Variants in FZD1 observed in about 807,000 individuals in gnomAD.
FZD1 encodes the protein frizzled class receptor 1.
In FZD1, 22 loss-of-function variants were observed where a neutral mutation model predicts 48.0. The observed-to-expected ratio is 0.46, with a 90% CI of 0.33 to 0.65. FZD1 has a LOEUF of 0.65. FZD1 is among the 30% of genes least tolerant of loss of function. The probability of loss-of-function intolerance (pLI) is 0.02; values close to 1 mark genes in which losing one functional copy is unlikely to be tolerated. For synonymous variants in FZD1, 486 were observed against 409.6 expected (o/e 1.19, Z -2.25); for missense variants, 843 against 898.1 (o/e 0.94, Z 0.78).
Position 91,266,122 on chromosome 7 carries a change from G to T in FZD1, c.1242G>T (p.Met414Ile). The T allele has an allele frequency of 5.0e-6, 8 of 1,614,226 alleles. No individual in the cohort carries two copies. Among genetic ancestry groups the T allele is most frequent in the Non-Finnish European group, 6.8e-6 (8 of 1,180,040 alleles). The part of the protein sequence containing the change: ...ILFMMLYFFS[M>I]ASSIWWVILS... ...TCATGATGCTCTACTTCTTCAGCAT[G>T]GCCAGCTCCATCTGGTGGGTGATCC... The change falls in exon 1 of 1, where the codon ATG (methionine) becomes ATT (isoleucine). Residue 414 changes from methionine (M) to isoleucine (I), a missense_variant. By Grantham distance (10) the Met-to-Ile change is conservative. Around this residue, in one of 2 missense-constraint regions of FZD1, gnomAD observed 353 missense variants for 431.6 expected, o/e 0.82. Coordinates refer to ENST00000287934, the MANE Select transcript of FZD1 (RefSeq NM_003505.2). The surrounding 1 kb of genome is among the most constrained non-coding windows in gnomAD (Gnocchi z 6.8).
At position 91,265,246 on chromosome 7, in the gene FZD1, G is replaced by T. The variant is rs913305628; in HGVS notation, c.366G>T (p.Pro122=). 6.2e-7 allele frequency: 1 copy of T among 1,614,076 alleles called. No homozygotes were observed. The highest frequency in any genetic ancestry group is 2.2e-5 in the East Asian group (1 of 44,860). ...DHGYCQPISI[P]LCTDIAYNQT... is the part of the protein sequence containing the mutation. ...GCTATTGCCAGCCCATCTCCATCCC[G>T]CTGTGCACGGACATCGCGTACAACC... Residue 122 remains proline (P), a synonymous_variant, in exon 1 of 1, where the codon CCG becomes CCT. Coordinates refer to ENST00000287934, the MANE Select transcript of FZD1 (RefSeq NM_003505.2). The surrounding 1 kb of genome is among the most constrained non-coding windows in gnomAD (Gnocchi z 6.9).
Position 91,267,106 on chromosome 7 carries a change from T to C in FZD1, c.*282T>C, listed in dbSNP as rs1456263687. On this transcript the variant is annotated 3_prime_UTR_variant, in exon 1 of 1. Transcript: ENST00000287934. Reference sequence around the variant, plus strand: ...ATGATTGTAAATAGCCTGTGTAAGATTTTTGTAAGTATATTTGTATTTAAA... The same window carrying C: ...ATGATTGTAAATAGCCTGTGTAAGACTTTTGTAAGTATATTTGTATTTAAA... 2 of 323,142 alleles carry C rather than the reference T, an allele frequency of 6.2e-6. No homozygotes were observed. Among genetic ancestry groups the C allele is most frequent in the Non-Finnish European group, 1.2e-5 (2 of 168,286 alleles). The allele number at this position is 323,142 out of a possible 1,614,324, so 20.0% of individuals were successfully genotyped here.
In FZD1 at chr7:91,265,629, A is replaced by G. The variant is rs1400451046; in HGVS notation, c.749A>G (p.Asn250Ser). The change falls in exon 1 of 1, where the codon AAC (asparagine) becomes AGC (serine). Residue 250 changes from asparagine (N) to serine (S), a missense_variant. By Grantham distance (46) the Asn-to-Ser change is conservative. This residue lies in a region of FZD1 where 490 missense variants were observed against 466.5 expected (regional missense o/e 1.05). Coordinates refer to ENST00000287934, the MANE Select transcript of FZD1 (RefSeq NM_003505.2). This position sits in a 1 kb window ranked among gnomAD's most constrained non-coding sequence, Gnocchi z 6.9. ...PSLLPEFWTS[N>S]PQHGGGGHRG... ...CTGCTTCCAGAGTTCTGGACCAGCA[A>G]CCCTCAGCACGGCGGCGGAGGGCAC... 2 of 1,594,406 alleles carry G rather than the reference A, an allele frequency of 1.3e-6. No homozygotes were observed. The highest frequency in any genetic ancestry group is 1.1e-5 in the South Asian group (1 of 90,252).
In FZD1 at chr7:91,264,851, G is replaced by A; in HGVS notation, c.-30G>A. 1 of 1,272,206 alleles carries A rather than the reference G, an allele frequency of 7.9e-7. No homozygotes were observed. Among genetic ancestry groups the A allele is most frequent in the Non-Finnish European group, 9.9e-7 (1 of 1,011,090 alleles). The allele number at this position is 1,272,206 out of a possible 1,614,324, so 78.8% of individuals were successfully genotyped here. On this transcript the variant is annotated 5_prime_UTR_variant, in exon 1 of 1. Coordinates refer to ENST00000287934, the MANE Select transcript of FZD1 (RefSeq NM_003505.2). ...GGCCGTGCCCCTGGCAGCCCCAGCG[G>A]AGCGGCGCCAAGAGAGGAGCCGAGA... is the stretch of plus-strand genomic sequence containing the variant.
In FZD1 at chr7:91,270,946, A is replaced by G. The variant is rs1444505255; in HGVS notation, c.*4122A>G. 3 of 167,178 alleles carry G rather than the reference A, an allele frequency of 1.8e-5. No homozygotes were observed. The highest frequency in any genetic ancestry group is 7.2e-5 in the African/African-American group (3 of 41,596). 10.4% of individuals were successfully genotyped at this position (167,178 alleles called of 1,614,324 possible). A position where few individuals can be genotyped will look rare whatever the true frequency, so the allele number is the denominator to read the frequency against. On this transcript the variant is annotated 3_prime_UTR_variant, in exon 1 of 1. Coordinates refer to ENST00000287934, the MANE Select transcript of FZD1 (RefSeq NM_003505.2). ...TAATGTGTAGGAACCAACATAAGAC[A>G]TGGAATATATATAAGAATTATCTAG...
chr7:91,264,987 G>A lies in FZD1; in HGVS notation c.107G>A (p.Gly36Glu). 4.3e-6 allele frequency: 6 copies of A among 1,398,410 alleles called. No individual in the cohort carries two copies. The highest frequency in any genetic ancestry group is 5.6e-6 in the Non-Finnish European group (6 of 1,077,416). The allele number at this position is 1,398,410 out of a possible 1,614,324, so 86.6% of individuals were successfully genotyped here. ...GCCCGGCTGGCGGAGGAGGGCAGCG[G>A]GGACGCCGGTGGCCGCCGCCGCCCG... ...LSARLAEEGS[G>E]DAGGRRRPPV... The change falls in exon 1 of 1, where the codon GGG (glycine) becomes GAG (glutamate). Residue 36 changes from glycine to glutamate, a missense_variant. Physicochemically the swap from Gly to Glu is moderately conservative, Grantham distance 98 (BLOSUM62 -2). This residue lies in a region of FZD1 where 490 missense variants were observed against 466.5 expected (regional missense o/e 1.05). Coordinates refer to ENST00000287934, the MANE Select transcript of FZD1 (RefSeq NM_003505.2).
At position 91,264,912 on chromosome 7, in the gene FZD1, G is replaced by A. The variant is rs762530466; in HGVS notation, c.32G>A (p.Arg11Gln). The A allele has an allele frequency of 1.9e-5, 25 of 1,328,848 alleles. No individual in the cohort carries two copies. The highest frequency in any genetic ancestry group is 2.1e-5 in the Non-Finnish European group (22 of 1,044,630). 82.3% of individuals were successfully genotyped at this position (1,328,848 alleles called of 1,614,324 possible). The change falls in exon 1 of 1, where the codon CGG becomes CAG. Residue 11 changes from arginine to glutamine, a missense_variant. This residue lies in a region of FZD1 where 490 missense variants were observed against 466.5 expected (regional missense o/e 1.05). Coordinates refer to ENST00000287934, the MANE Select transcript of FZD1 (RefSeq NM_003505.2). Reference protein sequence around the residue: MAEEEAPKKSRAAGGGASWEL... With the variant: MAEEEAPKKSQAAGGGASWEL... ...GAGGAGGAGGCGCCTAAGAAGTCCCGGGCCGCCGGCGGTGGCGCGAGCTGG... is the reference window on the plus strand; with the variant it reads ...GAGGAGGAGGCGCCTAAGAAGTCCCAGGCCGCCGGCGGTGGCGCGAGCTGG...
In FZD1 at chr7:91,264,998, GGCC is replaced by G. The variant is rs1173672679; in HGVS notation, c.128_130del (p.Arg43del). On this transcript the variant is annotated inframe_deletion, in exon 1 of 1. Transcript: ENST00000287934. ...GGAGGAGGGCAGCGGGGACGCCGGT[GGCC>G]GCCGCCGCCCGCCAGTTGACCCCCG... is the stretch of plus-strand genomic sequence containing the variant. The G allele has an allele frequency of 4.3e-6, 6 of 1,395,334 alleles. No homozygotes were observed. The highest frequency in any genetic ancestry group is 1.6e-5 in the South Asian group (1 of 63,052). The allele number at this position is 1,395,334 out of a possible 1,614,324, so 86.4% of individuals were successfully genotyped here. A position where few individuals can be genotyped will look rare whatever the true frequency, so the allele number is the denominator to read the frequency against.
chr7:91,266,779 C>G lies in FZD1; in HGVS notation c.1899C>G (p.Phe633Leu). 1 of 1,609,168 alleles carries G rather than the reference C, an allele frequency of 6.2e-7. No homozygotes were observed. The change falls in exon 1 of 1, where the codon TTC (phenylalanine) becomes TTG (leucine). Residue 633 changes from phenylalanine to leucine, a missense_variant. Phe to Leu is a conservative substitution (Grantham distance 22). Coordinates refer to ENST00000287934, the MANE Select transcript of FZD1 (RefSeq NM_003505.2). The surrounding 1 kb of genome is among the most constrained non-coding windows in gnomAD (Gnocchi z 6.8). ...SGKTLNSWRK[F>L]YTRLTNSKQG... The stretch of plus-strand genomic sequence containing the variant: ...AGACCCTCAACTCCTGGAGGAAGTT[C>G]TACACGAGGCTCACCAACAGCAAAC...
rs749662690 is a variant in FZD1 at position 91,266,615 on chromosome 7, A to G, written c.1735A>G (p.Ile579Val). Residue 579 changes from isoleucine (I) to valine (V), a missense_variant, in exon 1 of 1, where the codon ATC becomes GTC. Around this residue, in one of 2 missense-constraint regions of FZD1, gnomAD observed 353 missense variants for 431.6 expected, o/e 0.82. Transcript: ENST00000287934. The surrounding 1 kb of genome is among the most constrained non-coding windows in gnomAD (Gnocchi z 6.8). The stretch of plus-strand genomic sequence containing the variant: ...GGCCCAGAGCTGCAAGAGCTACGCT[A>G]TCCCCTGCCCTCACCTCCAGGCGGG... ...WVAQSCKSYAIPCPHLQAGGG... is the reference protein window; with the variant it reads ...WVAQSCKSYAVPCPHLQAGGG... The G allele has an allele frequency of 1.2e-6, 2 of 1,613,392 alleles. No homozygotes were observed. Among genetic ancestry groups the G allele is most frequent in the Non-Finnish European group, 8.5e-7 (1 of 1,179,968 alleles).
chr7:91,267,494 G>A lies in FZD1; in HGVS notation c.*670G>A, dbSNP rs1475884926. 6.0e-6 allele frequency: 1 copy of A among 167,144 alleles called. No individual in the cohort carries two copies. The highest frequency in any genetic ancestry group is 1.5e-5 in the Non-Finnish European group (1 of 68,224). 10.4% of individuals were successfully genotyped at this position (167,144 alleles called of 1,614,324 possible). A position where few individuals can be genotyped will look rare whatever the true frequency, so the allele number is the denominator to read the frequency against. ...ACTCCACAAACCTTCCAAATCTGGA[G>A]GAGGGCCCCCATACATTACAATTCC... On this transcript the variant is annotated 3_prime_UTR_variant, in exon 1 of 1. Coordinates refer to ENST00000287934, the MANE Select transcript of FZD1 (RefSeq NM_003505.2).
At position 91,266,829 on chromosome 7, in the gene FZD1, C is replaced by A; in HGVS notation, c.*5C>A. On this transcript the variant is annotated 3_prime_UTR_variant, in exon 1 of 1. Coordinates refer to ENST00000287934, the MANE Select transcript of FZD1 (RefSeq NM_003505.2). The surrounding 1 kb of genome is among the most constrained non-coding windows in gnomAD (Gnocchi z 6.8). ...CAAGGGGAGACTACAGTCTGAGACC[C>A]GGGGCTCAGCCCATGCCCAGGCCTC... 6.4e-7 allele frequency: 1 copy of A among 1,560,046 alleles called. No homozygotes were observed.
Position 91,266,475 on chromosome 7 carries a change from A to G in FZD1, c.1595A>G (p.Lys532Arg). Reference protein sequence around the residue: ...HDGTKTEKLEKLMVRIGVFSV... With the variant: ...HDGTKTEKLERLMVRIGVFSV... ...GGCACCAAGACCGAGAAGCTGGAGA[A>G]GCTCATGGTGCGCATTGGCGTCTTC... Residue 532 changes from lysine (K) to arginine (R), a missense_variant, in exon 1 of 1, where the codon AAG becomes AGG. This residue lies in a region of FZD1 where 353 missense variants were observed against 431.6 expected (regional missense o/e 0.82). Transcript: ENST00000287934. The surrounding 1 kb of genome is among the most constrained non-coding windows in gnomAD (Gnocchi z 6.8). The G allele has an allele frequency of 6.2e-7, 1 of 1,614,036 alleles. No homozygotes were observed. The highest frequency in any genetic ancestry group is 8.5e-7 in the Non-Finnish European group (1 of 1,179,942).
Position 91,267,074 on chromosome 7 carries a change from C to A in FZD1, c.*250C>A. 2.4e-6 allele frequency: 1 copy of A among 411,614 alleles called. No homozygotes were observed. Among genetic ancestry groups the A allele is most frequent in the African/African-American group, 2.0e-5 (1 of 49,292 alleles). 25.5% of individuals were successfully genotyped at this position (411,614 alleles called of 1,614,324 possible). A position where few individuals can be genotyped will look rare whatever the true frequency, so the allele number is the denominator to read the frequency against. On this transcript the variant is annotated 3_prime_UTR_variant, in exon 1 of 1. Transcript: ENST00000287934. Reference sequence around the variant, plus strand: ...CTCACACTCTGGTACCAGGACTGTTCGCTTTTATGATTGTAAATAGCCTGT... The same window carrying A: ...CTCACACTCTGGTACCAGGACTGTTAGCTTTTATGATTGTAAATAGCCTGT...
rs930172403 is a variant in FZD1, at chr7:91,269,673, G to A, written c.*2849G>A. The A allele has an allele frequency of 1.2e-5, 2 of 166,962 alleles. No homozygotes were observed. The highest frequency in any genetic ancestry group is 6.5e-5 in the Admixed American group (1 of 15,280). 10.3% of individuals were successfully genotyped at this position (166,962 alleles called of 1,614,324 possible). ...CTAAAAATGTAGCATTTGATTTTAA[G>A]TAGCAAGATGCAATTTTGTGTTCCC... On this transcript the variant is annotated 3_prime_UTR_variant, in exon 1 of 1. Coordinates refer to ENST00000287934, the MANE Select transcript of FZD1 (RefSeq NM_003505.2).
rs887932162 is a variant in FZD1 at position 91,264,941 on chromosome 7, C to G, written c.61C>G (p.Leu21Val). ...RAAGGGASWE[L>V]CAGALSARLA... ...CGCCGGCGGTGGCGCGAGCTGGGAACTTTGTGCCGGGGCGCTCTCGGCCCG... is the reference window on the plus strand; with the variant it reads ...CGCCGGCGGTGGCGCGAGCTGGGAAGTTTGTGCCGGGGCGCTCTCGGCCCG... The change falls in exon 1 of 1, where the codon CTT becomes GTT. Residue 21 changes from leucine (L) to valine (V), a missense_variant. Physicochemically the swap from Leu to Val is conservative, Grantham distance 32. Coordinates refer to ENST00000287934, the MANE Select transcript of FZD1 (RefSeq NM_003505.2). The G allele has an allele frequency of 7.4e-7, 1 of 1,346,988 alleles. No individual in the cohort carries two copies. Among genetic ancestry groups the G allele is most frequent in the Non-Finnish European group, 9.5e-7 (1 of 1,053,880 alleles). The allele number at this position is 1,346,988 out of a possible 1,614,324, so 83.4% of individuals were successfully genotyped here.
Position 91,266,566 on chromosome 7 carries a change from G to A in FZD1, c.1686G>A (p.Arg562=), listed in dbSNP as rs1327287830. 2.5e-6 allele frequency: 4 copies of A among 1,613,764 alleles called. No homozygotes were observed. Among genetic ancestry groups the A allele is most frequent in the Non-Finnish European group, 3.4e-6 (4 of 1,180,024 alleles). The change falls in exon 1 of 1, where the codon CGG becomes CGA. Residue 562 remains arginine (R), a synonymous_variant. Coordinates refer to ENST00000287934, the MANE Select transcript of FZD1 (RefSeq NM_003505.2). The surrounding 1 kb of genome is among the most constrained non-coding windows in gnomAD (Gnocchi z 6.8). ...IACYFYEQAF[R]DQWERSWVAQ... ...GCTACTTCTACGAGCAGGCCTTCCG[G>A]GACCAGTGGGAACGCAGCTGGGTGG...
Position 91,266,946 on chromosome 7 carries a change from G to T in FZD1, c.*122G>T. 1.5e-6 allele frequency: 1 copy of T among 683,232 alleles called. No individual in the cohort carries two copies. Among genetic ancestry groups the T allele is most frequent in the South Asian group, 1.9e-5 (1 of 52,814 alleles). The allele number at this position is 683,232 out of a possible 1,614,324, so 42.3% of individuals were successfully genotyped here. A position where few individuals can be genotyped will look rare whatever the true frequency, so the allele number is the denominator to read the frequency against. On this transcript the variant is annotated 3_prime_UTR_variant, in exon 1 of 1. Coordinates refer to ENST00000287934, the MANE Select transcript of FZD1 (RefSeq NM_003505.2). This position sits in a 1 kb window ranked among gnomAD's most constrained non-coding sequence, Gnocchi z 6.8. The stretch of plus-strand genomic sequence containing the variant: ...TTTCCTCACTAGACAACTCTCTTTC[G>T]CAGGCTCCTTTGAACAACTCAGCTC...
In FZD1 at chr7:91,265,833, TCTCGCGCAC is replaced by T; in HGVS notation, c.956_964del (p.Ser319_Thr321del). The stretch of plus-strand genomic sequence containing the variant: ...TACTTCGGGCCCGAGGAGCTGCGCT[TCTCGCGCAC>T]CTGGATTGGCATTTGGTCAGTGCTG... On this transcript the variant is annotated inframe_deletion, in exon 1 of 1. Transcript: ENST00000287934. The surrounding 1 kb of genome is among the most constrained non-coding windows in gnomAD (Gnocchi z 6.9). The T allele has an allele frequency of 6.2e-7, 1 of 1,613,510 alleles. No individual in the cohort carries two copies. The highest frequency in any genetic ancestry group is 8.5e-7 in the Non-Finnish European group (1 of 1,179,480).
Sources: gnomAD v4.1 joint callset for allele counts on GRCh38, gnomAD v4.1.1 for gene constraint, gnomAD v4.1.1 regional missense constraint, Gnocchi (gnomAD v3.1) non-coding constraint, MANE v1.5 for transcripts, NCBI Gene and HGNC (gene_info 2026-07-23, HGNC 2026-07-21) for gene names.